The following PTCRA variants were observed in gnomAD, a reference collection of about 807,000 sequenced individuals.
PTCRA encodes the protein pre T cell antigen receptor alpha.
Under a neutral mutation model 13.4 loss-of-function variants are expected in PTCRA, and 9 were observed. That is an observed-to-expected ratio of 0.67 (90% CI 0.41 to 1.18). The LOEUF (loss-of-function observed/expected upper bound fraction) is 1.18, where lower values mean the gene tolerates loss of function less well. PTCRA is among the 50% of genes most tolerant of loss of function. The pLI is 0.01. For synonymous variants in PTCRA, 153 were observed against 161.9 expected (o/e 0.94, Z 0.42); for missense variants, 353 against 359.8 (o/e 0.98, Z 0.15).
Position 42,923,162 on chromosome 6 carries a change from C to T in PTCRA, c.194C>T (p.Ala65Val). The T allele has an allele frequency of 6.2e-7, 1 of 1,614,256 alleles. No individual in the cohort carries two copies. Among genetic ancestry groups the T allele is most frequent in the East Asian group, 2.2e-5 (1 of 44,892 alleles). Residue 65 changes from alanine to valine, a missense_variant, in exon 2 of 4, where the codon GCC (alanine) becomes GTC (valine). Transcript: ENST00000304672. ...PGLDSPIWFS[A>V]GNGSALDAFT... is the part of the protein sequence containing the mutation. The stretch of plus-strand genomic sequence containing the variant: ...CTTGACAGCCCCATCTGGTTCTCAG[C>T]CGGCAATGGCAGTGCACTGGATGCC...
At chr6:42,918,434 A>ACC (rs1562525973) in intron 1 of PTCRA, among the ~76,000 whole-genome samples, 42 of 151,806 alleles carry the variant, frequency 2.8e-4, no homozygotes, top group Admixed American at 1.1e-3. Context: ...GGTGCCTGTA[A>ACC]TCCCAGCTAC....
chr6:42,921,700 G>T (rs1221805826), intron 1 of PTCRA, among the ~76,000 whole-genome samples: 1 of 139,546 alleles, frequency 7.2e-6, no homozygotes, highest in Non-Finnish European at 1.5e-5. Context: ...ACAGGCATGA[G>T]CCACCGTGCC....
Position 42,923,349 on chromosome 6 carries a change from T to G in PTCRA, c.379+2T>G. The G allele has an allele frequency of 6.2e-7, 1 of 1,613,640 alleles. No individual in the cohort carries two copies. Among genetic ancestry groups the G allele is most frequent in the Non-Finnish European group, 8.5e-7 (1 of 1,179,710 alleles). On this transcript the variant is annotated splice_donor_variant, in intron 2 of 3. Coordinates refer to ENST00000304672, the MANE Select transcript of PTCRA (RefSeq NM_138296.3). LOFTEE classifies it high-confidence loss of function. ...GTACACAGCCCATGCATCTGTCAGG[T>G]GGGGATGGAGCCTGGGCCCTTGCGG...
Position 42,925,115 on chromosome 6 carries a change from C to T in PTCRA, c.425-146C>T, listed in dbSNP as rs1338978736. The T allele has an allele frequency of 1.4e-5, 15 of 1,038,506 alleles. No individual in the cohort carries two copies. The highest frequency in any genetic ancestry group is 3.3e-5 in the South Asian group (2 of 60,422). The allele number at this position is 1,038,506 out of a possible 1,614,324, so 64.3% of individuals were successfully genotyped here. ...AGGTATGTATTATTACCAGTAAGAACGGAGGCTAGACACCGGGAAGGACTT... is the reference window on the plus strand; with the variant it reads ...AGGTATGTATTATTACCAGTAAGAATGGAGGCTAGACACCGGGAAGGACTT... On this transcript the variant is annotated intron_variant, in intron 3 of 3. Transcript: ENST00000304672. This position sits in a 1 kb window ranked among gnomAD's most constrained non-coding sequence, Gnocchi z 4.4.
At chr6:42,919,433 G>A (rs1327066660) in intron 1 of PTCRA, among the ~76,000 whole-genome samples, 1 of 152,108 alleles carries the variant, frequency 6.6e-6, no homozygotes, top group African/African-American at 2.4e-5. Context: ...AAAACTGCAG[G>A]CTGGACAAAG....
At chr6:42,922,248 C>T (rs1767207784) in intron 1 of PTCRA, 2 of 702,774 alleles carry the variant, frequency 2.8e-6, no homozygotes, top group East Asian at 5.4e-5. Flanking sequence ...TCACCAGAGG[C>T]TGCCACAACA....
At chr6:42,924,334 G>A (rs1196449807) in intron 3 of PTCRA, 61 bp downstream of exon 3, 2 of 1,475,610 alleles carry the variant, frequency 1.4e-6, no homozygotes, top group Non-Finnish European at 1.9e-6. Context: ...TGGGCCCGGG[G>A]GGTGGGGCCT....
chr6:42,922,923 G>A, intron 1 of PTCRA, 104 bp from the exon 2 acceptor site: 2 of 1,063,152 alleles, frequency 1.9e-6, no homozygotes, highest in Non-Finnish European at 2.8e-6. Context: ...GTGGAAGGAT[G>A]GATGGATGGA....
chr6:42,918,503 A>C (rs1461834346), intron 1 of PTCRA, among the ~76,000 whole-genome samples: 1 of 151,914 alleles, frequency 6.6e-6, no homozygotes, highest in African/African-American at 2.4e-5. Flanking sequence ...TGCAGTGAAC[A>C]GAGATCCTGC....
At chr6:42,920,887 C>T (rs1418994814) in intron 1 of PTCRA, among the ~76,000 whole-genome samples, 2 of 150,938 alleles carry the variant, frequency 1.3e-5, no homozygotes, top group South Asian at 4.2e-4. Flanking sequence ...AACCTTTGCC[C>T]GGGTTCAAGC....
At chr6:42,916,185 C>A in intron 1 of PTCRA, 58 bp downstream of exon 1, 1 of 1,530,060 alleles carries the variant, frequency 6.5e-7, no homozygotes, top group Non-Finnish European at 9.1e-7. Context: ...AGCCCATCCC[C>A]TCACTCTGGA....
chr6:42,918,318 G>A (rs1766972934), intron 1 of PTCRA, among the ~76,000 whole-genome samples: 1 of 150,672 alleles, frequency 6.6e-6, no homozygotes, highest in Non-Finnish European at 1.5e-5. Flanking sequence ...CACTTTGGGA[G>A]GCTGAGGCAG....
At chr6:42,917,229 T>TAA (rs1554288878) in intron 1 of PTCRA, among the ~76,000 whole-genome samples, 1 of 137,314 alleles carries the variant, frequency 7.3e-6, no homozygotes, top group African/African-American at 2.9e-5. Context: ...ATTATTATTA[T>TAA]TATTTATTTT....
intron 2 of PTCRA, among the ~76,000 whole-genome samples, chr6:42,923,926 T>G (rs1282263890): frequency 2.0e-5 from 3 of 152,232 alleles, no homozygotes; most frequent in African/African-American, 7.2e-5. Context: ...TGGGAATGTT[T>G]GTTAACTAAG....
chr6:42,924,754 C>T (rs1052467566), intron 3 of PTCRA, among the ~76,000 whole-genome samples: 6 of 152,024 alleles, frequency 3.9e-5, no homozygotes, highest in Non-Finnish European at 7.4e-5. Context: ...GGGTGGATCA[C>T]GAGGTCAGGA....
In PTCRA at chr6:42,925,219, G is replaced by GCTGCGGGCTC; in HGVS notation, c.425-28_425-19dup. The GCTGCGGGCTC allele has an allele frequency of 5.2e-6, 8 of 1,549,564 alleles. No individual in the cohort carries two copies. The highest frequency in any genetic ancestry group is 6.9e-6 in the Non-Finnish European group (8 of 1,154,184). On this transcript the variant is annotated intron_variant, in intron 3 of 3. Transcript: ENST00000304672. The surrounding 1 kb of genome is among the most constrained non-coding windows in gnomAD (Gnocchi z 4.4). Reference sequence around the variant, plus strand: ...CCGCCGTTCTCTCCTGGGGTAGGGGGCTGCGGGCTCCTGCGGGCTCCTGAG... The same window carrying GCTGCGGGCTC: ...CCGCCGTTCTCTCCTGGGGTAGGGGGCTGCGGGCTCCTGCGGGCTCCTGCGGGCTCCTGAG...
At chr6:42,922,507 G>T (rs1169204839) in intron 1 of PTCRA, among the ~76,000 whole-genome samples, 1 of 152,090 alleles carries the variant, frequency 6.6e-6, no homozygotes, top group Non-Finnish European at 1.5e-5. Flanking sequence ...CCAGCACTTT[G>T]GGAGGACGAG....
At chr6:42,924,771 G>C (rs1477775321) in intron 3 of PTCRA, among the ~76,000 whole-genome samples, 1 of 152,114 alleles carries the variant, frequency 6.6e-6, no homozygotes, top group East Asian at 1.9e-4. Context: ...AGGAGTTCGA[G>C]ACCAGCCTGG....
Position 42,916,107 on chromosome 6 carries a change from G to A in PTCRA, c.38G>A (p.Gly13Glu). The A allele has an allele frequency of 6.2e-7, 1 of 1,614,016 alleles. No individual in the cohort carries two copies. The highest frequency in any genetic ancestry group is 8.5e-7 in the Non-Finnish European group (1 of 1,179,930). Residue 13 changes from glycine (G) to glutamate (E), a missense_variant, in exon 1 of 4, where the codon GGG becomes GAG. By Grantham distance (98) the Gly-to-Glu change is moderately conservative. Transcript: ENST00000304672. ...GTWLLLLLAL[G>E]CPALPTGVGG... Reference sequence around the variant, plus strand: ...TGGCTGCTACTTCTCCTGGCCCTTGGGTGTCCAGCCCTACCCACAGGTGAG... The same window carrying A: ...TGGCTGCTACTTCTCCTGGCCCTTGAGTGTCCAGCCCTACCCACAGGTGAG...
Sources: allele counts gnomAD v4.1 joint callset (sites outside exome capture counted in the v4.1 genomes callset), GRCh38; gene constraint gnomAD v4.1.1; non-coding constraint Gnocchi (gnomAD v3.1); transcripts MANE v1.5; gene names NCBI Gene and HGNC (gene_info 2026-07-23, HGNC 2026-07-21).